The following WDR59 variants were observed in gnomAD, a reference collection of about 807,000 sequenced individuals.
WDR59 encodes the protein WD repeat domain 59, also known as GATOR2 complex protein WDR59.
WDR59 carries 100 observed loss-of-function variants against 131.2 expected under a neutral mutation model. The ratio of observed to expected loss-of-function variants is 0.76; its 90% confidence interval spans 0.65 to 0.90. The LOEUF is 0.90. Among genes scored for constraint, WDR59 ranks in the 40% least tolerant of loss-of-function variants. The probability of loss-of-function intolerance (pLI) is 0.00; values close to 1 mark genes in which losing one functional copy is unlikely to be tolerated. For missense variants in WDR59, 1,203 were observed against 1,262.2 expected, an observed-to-expected ratio of 0.95 and a Z score of 0.71; for synonymous variants, 601 against 466.2, an observed-to-expected ratio of 1.29 and a Z score of -3.72.
intron 18 of WDR59, among the ~76,000 whole-genome samples, chr16:74,899,279 C>T (rs1480117722): frequency 6.6e-6 from 1 of 152,156 alleles, no homozygotes; most frequent in Admixed American, 6.5e-5. Flanking sequence ...GTGAACTAGA[C>T]CAGGACTGTA....
chr16:74,909,440 T>C (rs1443716674), intron 16 of WDR59, 61 bp downstream of exon 16: 7 of 1,487,488 alleles, frequency 4.7e-6, no homozygotes, highest in Non-Finnish European at 6.3e-6. Flanking sequence ...TTATACAGAA[T>C]CTATGACATT....
At chr16:74,953,268 T>TA (rs2033105499) in intron 3 of WDR59, among the ~76,000 whole-genome samples, 1 of 152,070 alleles carries the variant, frequency 6.6e-6, no homozygotes, top group East Asian at 1.9e-4. Context: ...GGTGAGGAGT[T>TA]AGAGACCAGC....
At position 74,932,070 on chromosome 16, in the gene WDR59, T is replaced by C. The variant is rs1181000252; in HGVS notation, c.651+6080A>G. Among the ~76,000 whole-genome samples, 3 of 149,658 alleles carry C rather than the reference T, an allele frequency of 2.0e-5. No homozygotes were observed. In the Admixed American group the frequency reaches 2.0e-4, roughly 10 times the overall value. On this transcript the variant is annotated intron_variant, in intron 8 of 25. Coordinates refer to ENST00000262144, the MANE Select transcript of WDR59 (RefSeq NM_030581.4). Reference sequence around the variant, plus strand: ...TATATAATGTTTAAGCATAATTTTATATATACACATATATATATTTATTTT... The same window carrying C: ...TATATAATGTTTAAGCATAATTTTACATATACACATATATATATTTATTTT...
intron 23 of WDR59, among the ~76,000 whole-genome samples, chr16:74,887,123 C>T (rs766255501): frequency 3.3e-5 from 5 of 152,166 alleles, no homozygotes; most frequent in South Asian, 2.1e-4. Flanking sequence ...TGTTAATGGA[C>T]GCTATTCCTA....
chr16:74,940,373 T>C (rs1197882876), intron 7 of WDR59, among the ~76,000 whole-genome samples: 2 of 149,250 alleles, frequency 1.3e-5, no homozygotes, highest in East Asian at 2.0e-4. Flanking sequence ...AGTGAGACTC[T>C]GTCTCCCAAA....
At chr16:74,911,259 C>G (rs1966072328) in intron 14 of WDR59, among the ~76,000 whole-genome samples, 1 of 152,190 alleles carries the variant, frequency 6.6e-6, no homozygotes, top group Non-Finnish European at 1.5e-5. Flanking sequence ...CCAAACTAGG[C>G]AACGGCATAT....
intron 25 of WDR59, among the ~76,000 whole-genome samples, chr16:74,884,986 C>T (rs1964684547): frequency 6.6e-6 from 1 of 152,232 alleles, no homozygotes; most frequent in Admixed American, 6.5e-5. Flanking sequence ...ATATTTATCA[C>T]AATTTGAAAT....
intron 1 of WDR59, among the ~76,000 whole-genome samples, chr16:74,970,581 T>G (rs2033945708): frequency 1.3e-5 from 2 of 148,534 alleles, no homozygotes; most frequent in African/African-American, 4.9e-5. Flanking sequence ...GAAAGCACTT[T>G]CTCTGCCCCT....
intron 21 of WDR59, among the ~76,000 whole-genome samples, chr16:74,888,978 AAT>A (rs1225388066): frequency 2.0e-5 from 3 of 152,350 alleles, no homozygotes; most frequent in African/African-American, 7.2e-5. Flanking sequence ...CTCAATGTCT[AAT>A]ATTTGTGTTT....
chr16:74,984,848 TCCTCAGTACGGGG>T, intron 1 of WDR59, 103 bp downstream of exon 1: 1 of 1,449,264 alleles, frequency 6.9e-7, no homozygotes. Flanking sequence ...CCCGCCCACC[TCCTCAGTACGGGG>T]CCTAGGGTCT....
At chr16:74,894,139 G>T (rs1965175835) in intron 18 of WDR59, among the ~76,000 whole-genome samples, 1 of 152,164 alleles carries the variant, frequency 6.6e-6, no homozygotes, top group Non-Finnish European at 1.5e-5. Flanking sequence ...AAATGTGGGA[G>T]AACAATTTTT....
At chr16:74,910,310 A>G (rs1966025959) in intron 14 of WDR59, among the ~76,000 whole-genome samples, 2 of 152,158 alleles carry the variant, frequency 1.3e-5, no homozygotes, top group Admixed American at 6.5e-5. Context: ...CACAAGGGTG[A>G]TGCTGGGAGC....
In WDR59 at chr16:74,913,486, T is replaced by G. The variant is rs113386466; in HGVS notation, c.1225-1124A>C. Among the ~76,000 whole-genome samples the G allele has an allele frequency of 5.9e-4, 90 of 152,230 alleles. 1 individual carries two copies. Among genetic ancestry groups the G allele is most frequent in the Middle Eastern group, 3.4e-3 (1 of 294 alleles). ...TTTGTGTTTTGGTAGAGATGGGGTTTCGCCATGTTGGCCAGGCTGGTCTCA... is the reference window on the plus strand; with the variant it reads ...TTTGTGTTTTGGTAGAGATGGGGTTGCGCCATGTTGGCCAGGCTGGTCTCA... On this transcript the variant is annotated intron_variant, in intron 13 of 25. Coordinates refer to ENST00000262144, the MANE Select transcript of WDR59 (RefSeq NM_030581.4).
chr16:74,981,613 CATATATATATATATATATAT>C (rs1162042042), intron 1 of WDR59, among the ~76,000 whole-genome samples: 8 of 27,782 alleles, frequency 2.9e-4, no homozygotes, highest in African/African-American at 1.1e-3. Flanking sequence ...TATACATTTA[CATATATATATATATATATAT>C]ATATATATAT....
In WDR59 at chr16:74,909,603, G is replaced by T; in HGVS notation, c.1540C>A (p.Pro514Thr). 1 of 1,608,922 alleles carries T rather than the reference G, an allele frequency of 6.2e-7. No individual in the cohort carries two copies. The highest frequency in any genetic ancestry group is 8.5e-7 in the Non-Finnish European group (1 of 1,178,044). ...NPFALPNSVT[P>T]PLPTFARVTT... Reference sequence around the variant, plus strand: ...ACCCGCGCAAACGTCGGTAAGGGGGGAGTGACAGAGTTGGGGAGTGCAAAC... The same window carrying T: ...ACCCGCGCAAACGTCGGTAAGGGGGTAGTGACAGAGTTGGGGAGTGCAAAC... The change falls in exon 16 of 26, where the codon CCC becomes ACC. Residue 514 changes from proline (P) to threonine (T), a missense_variant. Coordinates refer to ENST00000262144, the MANE Select transcript of WDR59 (RefSeq NM_030581.4).
In WDR59 at chr16:74,908,897, C is replaced by T. The variant is rs1965945868; in HGVS notation, c.1712+11G>A. The stretch of plus-strand genomic sequence containing the variant: ...GGAACGTAGAGCGGCTTCTGCATCT[C>T]CCTGACTCACCTCGGAGTAGGCTCT... On this transcript the variant is annotated intron_variant, in intron 17 of 25. Transcript: ENST00000262144. 1.2e-6 allele frequency: 2 copies of T among 1,613,546 alleles called. No homozygotes were observed. The highest frequency in any genetic ancestry group is 3.3e-5 in the Admixed American group (2 of 59,986).
intron 25 of WDR59, among the ~76,000 whole-genome samples, chr16:74,882,631 G>T (rs1964542067): frequency 6.6e-6 from 1 of 151,662 alleles, no homozygotes; most frequent in South Asian, 2.1e-4. Context: ...CCTATTAATT[G>T]TATTGTATTG....
intron 25 of WDR59, among the ~76,000 whole-genome samples, chr16:74,874,900 T>C (rs1267742400): frequency 1.3e-5 from 2 of 152,036 alleles, no homozygotes; most frequent in Non-Finnish European, 2.9e-5. Flanking sequence ...CTGTTTTTTT[T>C]TGTTTTTTTT....
intron 5 of WDR59, among the ~76,000 whole-genome samples, chr16:74,948,911 T>A (rs374602719): frequency 2.6e-5 from 4 of 152,062 alleles, no homozygotes; most frequent in African/African-American, 9.7e-5. Context: ...GGCAGGAGAA[T>A]TGTTTGAACC....
Sources: allele counts gnomAD v4.1 joint callset (sites outside exome capture counted in the v4.1 genomes callset), GRCh38; gene constraint gnomAD v4.1.1; transcripts MANE v1.5; gene names NCBI Gene and HGNC (gene_info 2026-07-23, HGNC 2026-07-21).